DIS3L2: variants seen among roughly 807,000 people sequenced by gnomAD.
The protein encoded by DIS3L2 is DIS3-like exonuclease 2.
A neutral mutation model predicts 97.5 loss-of-function variants in DIS3L2; 34 were observed. The observed-to-expected ratio is 0.35, with a 90% CI of 0.27 to 0.46. The LOEUF is 0.46. Among genes scored for constraint, DIS3L2 ranks in the 20% least tolerant of loss-of-function variants. DIS3L2 has a pLI of 1.00. For synonymous variants in DIS3L2, 435 were observed against 445.2 expected (o/e 0.98, Z 0.29); for missense variants, 1,038 against 1,146.0 (o/e 0.91, Z 1.36).
At chr2:232,025,161 T>A (rs896916756) in intron 4 of DIS3L2, among the ~76,000 whole-genome samples, 3 of 152,186 alleles carry the variant, frequency 2.0e-5, no homozygotes, top group Admixed American at 6.5e-5. Flanking sequence ...ATGTACTTTA[T>A]AAATGTCATT....
chr2:231,981,598 T>TTTTATATATATATA (rs1271512116), intron 1 of DIS3L2, among the ~76,000 whole-genome samples: 1 of 84,070 alleles, frequency 1.2e-5, no homozygotes, highest in African/African-American at 4.3e-5. Context: ...GTTAAGTATT[T>TTTTATATATATATA]TATATATATA....
rs918026471 is a variant in DIS3L2, at chr2:232,278,509, T to C, written c.1659+15069T>C. The stretch of plus-strand genomic sequence containing the variant: ...CAGCCCCTGGCAACCATTAACCTGT[T>C]TTGCCTCTTTATAGTTTTGCCTTTC... On this transcript the variant is annotated intron_variant, in intron 13 of 20. Transcript: ENST00000325385. Among the ~76,000 whole-genome samples, 11 of 152,280 alleles carry C rather than the reference T, an allele frequency of 7.2e-5. No individual in the cohort carries two copies. The East Asian group carries it at 9.7e-4, about 13-fold the overall frequency.
At position 232,037,523 on chromosome 2, in the gene DIS3L2, C is replaced by T. The variant is rs1694983454; in HGVS notation, c.366+7443C>T. 6.6e-6 allele frequency among the ~76,000 whole-genome samples: 1 copy of T among 152,162 alleles called. No individual in the cohort carries two copies. The highest frequency in any genetic ancestry group is 6.5e-5 in the Admixed American group (1 of 15,276). On this transcript the variant is annotated intron_variant, in intron 5 of 20. Coordinates refer to ENST00000325385, the MANE Select transcript of DIS3L2 (RefSeq NM_152383.5). This position sits in a 1 kb window ranked among gnomAD's most constrained non-coding sequence, Gnocchi z 4.6. ...GACCACTTGGCTCTCTGGCTTCAAC[C>T]CCTTTTCCAGCGGGGTGAACAGTTC... is the stretch of plus-strand genomic sequence containing the variant.
intron 5 of DIS3L2, among the ~76,000 whole-genome samples, chr2:232,073,601 G>T (rs1013556448): frequency 6.6e-6 from 1 of 152,140 alleles, no homozygotes; most frequent in Non-Finnish European, 1.5e-5. Context: ...CTCGAGGAAA[G>T]GTTTTTTCTA....
intron 17 of DIS3L2, 31 bp from the exon 18 acceptor site, chr2:232,334,338 C>A: frequency 6.2e-7 from 1 of 1,610,148 alleles, no homozygotes; most frequent in East Asian, 2.2e-5. Flanking sequence ...CCCCCAGGCT[C>A]CCACTCTCAT....
intron 1 of DIS3L2, among the ~76,000 whole-genome samples, chr2:231,997,246 T>G (rs1693754817): frequency 6.6e-6 from 1 of 152,278 alleles, no homozygotes; most frequent in South Asian, 2.1e-4. Flanking sequence ...CCAGAGCTTT[T>G]CTTTTCTCAA....
chr2:232,004,081 G>GT (rs563786610), intron 1 of DIS3L2, among the ~76,000 whole-genome samples: 322 of 114,754 alleles, frequency 2.8e-3, no homozygotes, highest in Non-Finnish European at 3.1e-3. Context: ...TTATTTATTT[G>GT]TTTTTTTTGG....
chr2:232,097,034 G>A (rs1697041181), intron 6 of DIS3L2, among the ~76,000 whole-genome samples: 1 of 152,120 alleles, frequency 6.6e-6, no homozygotes, highest in Non-Finnish European at 1.5e-5. Flanking sequence ...AGTGTTCGTG[G>A]TCTAGGCCTA....
chr2:232,090,282 G>A (rs3116157), intron 6 of DIS3L2, among the ~76,000 whole-genome samples: 124,478 of 152,002 alleles, frequency 0.82, 51,159 homozygotes, highest in East Asian at 0.96. Context: ...TTACAAGCCC[G>A]CTGTATGCAT....
At chr2:232,186,608 A>G (rs1360781037) in intron 9 of DIS3L2, among the ~76,000 whole-genome samples, 1 of 152,222 alleles carries the variant, frequency 6.6e-6, no homozygotes, top group African/African-American at 2.4e-5. Context: ...AAAACTGTGG[A>G]CCAATATCCC....
intron 1 of DIS3L2, among the ~76,000 whole-genome samples, chr2:231,964,831 A>G (rs1289337148): frequency 6.6e-6 from 1 of 152,228 alleles, no homozygotes; most frequent in Non-Finnish European, 1.5e-5. Flanking sequence ...TGTGGTACGG[A>G]TATTAAGTGC....
At chr2:232,309,134 G>T (rs976688646) in intron 14 of DIS3L2, among the ~76,000 whole-genome samples, 4 of 152,202 alleles carry the variant, frequency 2.6e-5, no homozygotes, top group Non-Finnish European at 4.4e-5. Flanking sequence ...CCAGGTCACT[G>T]CTGGTGAGTC....
chr2:232,048,485 C>A (rs1332267449), intron 5 of DIS3L2, among the ~76,000 whole-genome samples: 1 of 152,158 alleles, frequency 6.6e-6, no homozygotes, highest in Non-Finnish European at 1.5e-5. Context: ...GTAATCCCAG[C>A]ACTTTGGGAG....
intron 8 of DIS3L2, 151 bp from the exon 9 acceptor site, chr2:232,163,308 C>T: frequency 1.4e-6 from 1 of 695,310 alleles, no homozygotes; most frequent in Non-Finnish European, 2.4e-6. Flanking sequence ...TCTGCTTTCC[C>T]ATTGCCAGTG....
intron 9 of DIS3L2, among the ~76,000 whole-genome samples, chr2:232,174,411 C>A (rs1156753258): frequency 1.3e-5 from 2 of 151,712 alleles, no homozygotes; most frequent in East Asian, 1.9e-4. Context: ...CATAGTGAAA[C>A]CCCGTCTCTA....
At position 232,158,306 on chromosome 2, in the gene DIS3L2, CGTGT is replaced by C. The variant is rs111880090; in HGVS notation, c.951-5127_951-5124del. ...AACCTTTCTGCATCCTCCTTTATAT[CGTGT>C]GTGTGTGTGTGTGTGTGTGTGTGTG... On this transcript the variant is annotated intron_variant, in intron 8 of 20. Transcript: ENST00000325385. Among the ~76,000 whole-genome samples, 235 of 150,324 alleles carry C rather than the reference CGTGT, an allele frequency of 1.6e-3. 1 individual carries two copies. Among genetic ancestry groups the C allele is most frequent in the South Asian group, 2.3e-3 (11 of 4,708 alleles).
rs1165526823 is a variant in DIS3L2, at chr2:232,015,549, G to T, written c.88G>T (p.Ala30Ser). 7.4e-6 allele frequency: 12 copies of T among 1,614,030 alleles called. No homozygotes were observed. The highest frequency in any genetic ancestry group is 9.3e-6 in the Non-Finnish European group (11 of 1,179,944). The change falls in exon 3 of 21, where the codon GCT becomes TCT. Residue 30 changes from alanine (A) to serine (S), a missense_variant. By Grantham distance (99) the Ala-to-Ser change is moderately conservative (BLOSUM62 1). Transcript: ENST00000325385. ...TGTGGCTGGTCCACATGACATTGGT[G>T]CTTCGCCAGGTGACAAAAAGTCAAA... ...SAVAGPHDIG[A>S]SPGDKKSKNR...
intron 5 of DIS3L2, 113 bp from the exon 6 acceptor site, chr2:232,087,374 T>A: frequency 1.4e-6 from 1 of 717,842 alleles, no homozygotes. Context: ...ACATGATTAG[T>A]GTCCAATACC....
chr2:232,118,129 C>G (rs1198434639), intron 6 of DIS3L2, among the ~76,000 whole-genome samples: 1 of 152,198 alleles, frequency 6.6e-6, no homozygotes, highest in African/African-American at 2.4e-5. Flanking sequence ...GCTCCATGGG[C>G]CTCTCTATGT....
Sources: gnomAD v4.1 joint callset for allele counts (sites outside exome capture counted in the v4.1 genomes callset) on GRCh38, gnomAD v4.1.1 for gene constraint, Gnocchi (gnomAD v3.1) non-coding constraint, MANE v1.5 for transcripts, NCBI Gene and HGNC (gene_info 2026-07-23, HGNC 2026-07-21) for gene names.